MPPED1: variants seen among roughly 807,000 people sequenced by gnomAD.
The protein encoded by MPPED1 is metallophosphoesterase domain-containing protein 1.
Under a neutral mutation model 36.2 loss-of-function variants are expected in MPPED1, and 16 were observed. The ratio of observed to expected loss-of-function variants is 0.44; its 90% CI spans 0.30 to 0.67. The LOEUF (loss-of-function observed/expected upper bound fraction) is 0.67. Ranked by LOEUF, MPPED1 falls within the 30% of genes least tolerant of loss-of-function variation. The pLI, the probability that MPPED1 is intolerant of heterozygous loss-of-function variation, is 0.10. For synonymous variants in MPPED1, 199 were observed against 191.3 expected, an observed-to-expected ratio of 1.04 and a Z score of -0.33; for missense variants, 307 against 453.4, an observed-to-expected ratio of 0.68 and a Z score of 2.93.
chr22:43,468,089 C>T (rs375128311), intron 3 of MPPED1, among the ~76,000 whole-genome samples: 11 of 152,168 alleles, frequency 7.2e-5, no homozygotes, highest in African/African-American at 2.2e-4. Context: ...TTTGAATACA[C>T]GTATGTGGCA....
chr22:43,457,793 G>A (rs1385029625), intron 3 of MPPED1, among the ~76,000 whole-genome samples: 1 of 152,062 alleles, frequency 6.6e-6, no homozygotes, highest in East Asian at 1.9e-4. Context: ...CTAATGTAGA[G>A]TTCTATGCCC....
rs752199711 is a variant in MPPED1, at chr22:43,418,290, G to T, written c.-79+6132G>T. 158 of 378,432 alleles carry T rather than the reference G, an allele frequency of 4.2e-4. 1 individual carries two copies. Among genetic ancestry groups the T allele is most frequent in the Admixed American group, 6.2e-4 (20 of 32,264 alleles). 23.4% of individuals were successfully genotyped at this position (378,432 alleles called of 1,614,324 possible). On this transcript the variant is annotated intron_variant, in intron 1 of 6. Transcript: ENST00000443721. ...GGCCTGCGCTGAGTTTGAGAGGCCT[G>T]TGTTGGCTGGAAGTGATGCTTCAAG...
intron 2 of MPPED1, among the ~76,000 whole-genome samples, chr22:43,425,643 A>G (rs139759578): frequency 6.6e-6 from 1 of 152,280 alleles, no homozygotes; most frequent in East Asian, 1.9e-4. Context: ...TCCTCATTGT[A>G]CACATGGGGA....
At chr22:43,490,972 A>C (rs1378312357) in intron 4 of MPPED1, among the ~76,000 whole-genome samples, 2 of 144,716 alleles carry the variant, frequency 1.4e-5, no homozygotes, top group East Asian at 2.0e-4. Flanking sequence ...TCCACTAGGA[A>C]CCGCGGAAGG....
At chr22:43,422,491 C>G (rs1425259898) in intron 1 of MPPED1, among the ~76,000 whole-genome samples, 1 of 152,092 alleles carries the variant, frequency 6.6e-6, no homozygotes, top group Non-Finnish European at 1.5e-5. Flanking sequence ...GTCTTATGGT[C>G]AAGGGATTTT....
chr22:43,439,861 G>A (rs1201383580), intron 3 of MPPED1, among the ~76,000 whole-genome samples: 1 of 152,178 alleles, frequency 6.6e-6, no homozygotes, highest in Non-Finnish European at 1.5e-5. Flanking sequence ...TCCCTGGTCC[G>A]GGGCCCACGC....
intron 3 of MPPED1, among the ~76,000 whole-genome samples, chr22:43,470,386 AT>A (rs1255986618): frequency 6.6e-6 from 1 of 152,044 alleles, no homozygotes; most frequent in Non-Finnish European, 1.5e-5. Context: ...GCACCCATTC[AT>A]CCACTCATCC....
chr22:43,488,443 C>T (rs533273932), intron 4 of MPPED1, among the ~76,000 whole-genome samples: 4 of 152,206 alleles, frequency 2.6e-5, no homozygotes, highest in Non-Finnish European at 5.9e-5. Context: ...TCCCTGTTTG[C>T]GGCTGAGGAA....
chr22:43,455,840 T>C (rs905479758), intron 3 of MPPED1, among the ~76,000 whole-genome samples: 1 of 152,244 alleles, frequency 6.6e-6, no homozygotes, highest in South Asian at 2.1e-4. Context: ...GATTATTGTG[T>C]TAATTTCCTG....
At chr22:43,415,225 C>CAAAAAAAAAAAAAATAAAAAAAAA (rs1929037079) in intron 1 of MPPED1, among the ~76,000 whole-genome samples, 1 of 49,416 alleles carries the variant, frequency 2.0e-5, no homozygotes, top group Non-Finnish European at 3.5e-5. Context: ...ATGTCAAAAG[C>CAAAAAAAAAAAAAATAAAAAAAAA]AAAAAAAAAA....
At chr22:43,435,618 G>A (rs548543151) in intron 3 of MPPED1, among the ~76,000 whole-genome samples, 1 of 152,238 alleles carries the variant, frequency 6.6e-6, no homozygotes, top group Non-Finnish European at 1.5e-5. Context: ...GCACTTTGTG[G>A]GGCTGAGGCT....
chr22:43,478,135 G>A (rs1296084407), intron 4 of MPPED1, among the ~76,000 whole-genome samples: 2 of 152,236 alleles, frequency 1.3e-5, no homozygotes, highest in Non-Finnish European at 2.9e-5. Context: ...CCCGCGGGGT[G>A]GCCCTTCAGG....
At chr22:43,433,305 C>G (rs577323965) in intron 2 of MPPED1, among the ~76,000 whole-genome samples, 67 of 152,278 alleles carry the variant, frequency 4.4e-4, no homozygotes, top group African/African-American at 1.6e-3. Context: ...TTGTCATCGT[C>G]TGGCCAAATC....
chr22:43,456,848 CT>C (rs1164271292), intron 3 of MPPED1, among the ~76,000 whole-genome samples: 2 of 152,156 alleles, frequency 1.3e-5, no homozygotes, highest in Non-Finnish European at 2.9e-5. Flanking sequence ...TTGTCAAATG[CT>C]TTTCTGTGCC....
At chr22:43,478,858 G>A (rs1931657751) in intron 4 of MPPED1, among the ~76,000 whole-genome samples, 1 of 152,158 alleles carries the variant, frequency 6.6e-6, no homozygotes, top group Non-Finnish European at 1.5e-5. Context: ...TTCCCAGTAA[G>A]TGGGAAGGTG....
intron 4 of MPPED1, among the ~76,000 whole-genome samples, chr22:43,495,894 T>C (rs1439994336): frequency 4.5e-4 from 60 of 132,446 alleles, no homozygotes; most frequent in African/African-American, 1.7e-3. Flanking sequence ...GTAGTGGTGG[T>C]GGAGATGGTG....
chr22:43,442,421 G>T (rs1930181855), intron 3 of MPPED1, among the ~76,000 whole-genome samples: 1 of 152,066 alleles, frequency 6.6e-6, no homozygotes, highest in Non-Finnish European at 1.5e-5. Context: ...CCCCGTGGCT[G>T]CCCCTTCTGA....
chr22:43,504,982 G>C (rs1341577372), intron 6 of MPPED1, among the ~76,000 whole-genome samples: 1 of 152,034 alleles, frequency 6.6e-6, no homozygotes, highest in African/African-American at 2.4e-5. Context: ...TAAAGGTAGT[G>C]ATGATGATGA....
intron 4 of MPPED1, among the ~76,000 whole-genome samples, chr22:43,484,360 T>C (rs1161523605): frequency 1.3e-5 from 2 of 152,160 alleles, no homozygotes; most frequent in Non-Finnish European, 2.9e-5. Context: ...ATCTCAGCCC[T>C]AGGAAGAGGC....
Sources: gnomAD v4.1 joint callset for allele counts (sites outside exome capture counted in the v4.1 genomes callset) on GRCh38, gnomAD v4.1.1 for gene constraint, MANE v1.5 for transcripts, NCBI Gene and HGNC (gene_info 2026-07-23, HGNC 2026-07-21) for gene names.